CFAP73: variants seen among roughly 807,000 people sequenced by gnomAD.
CFAP73 encodes cilia- and flagella-associated protein 73.
Under a neutral mutation model 42.9 loss-of-function variants are expected in CFAP73, and 33 were observed. The observed-to-expected ratio is 0.77, with a 90% CI of 0.58 to 1.03. The LOEUF (loss-of-function observed/expected upper bound fraction) is 1.03, where lower values mean the gene tolerates loss of function less well. Ranked by LOEUF, CFAP73 falls within the 50% of genes least tolerant of loss-of-function variation. The pLI is 0.00. For missense variants in CFAP73, 392 were observed against 411.9 expected (o/e 0.95, Z 0.42); for synonymous variants, 162 against 186.8 (o/e 0.87, Z 1.08).
chr12:113,158,603 G>C lies in CFAP73; in HGVS notation c.*12-98G>C. ...TCTGAACCCAGAACACATGGAAGCA[G>C]CAGCAGCTGAGTTGCCAACTCAAGT... On this transcript the variant is annotated intron_variant, in intron 7 of 7. Coordinates refer to ENST00000335621, the MANE Select transcript of CFAP73 (RefSeq NM_001144872.3). The surrounding 1 kb of genome is among the most constrained non-coding windows in gnomAD (Gnocchi z 4.9). The C allele has an allele frequency of 2.3e-6, 1 of 440,202 alleles. No individual in the cohort carries two copies. The highest frequency in any genetic ancestry group is 4.4e-5 in the Admixed American group (1 of 22,972). 27.3% of individuals were successfully genotyped at this position (440,202 alleles called of 1,614,324 possible).
At chr12:113,157,438 T>C (rs1054837573) in intron 6 of CFAP73, 164 bp from the exon 7 acceptor site, 166 of 633,412 alleles carry the variant, frequency 2.6e-4, no homozygotes, top group Non-Finnish European at 3.8e-4. Flanking sequence ...CCAGAACGGT[T>C]TAGGATCTCA....
chr12:113,151,547 C>A (rs1231701492), intron 1 of CFAP73, among the ~76,000 whole-genome samples: 3 of 151,896 alleles, frequency 2.0e-5, no homozygotes, highest in Non-Finnish European at 4.4e-5. Context: ...AATCCCAACA[C>A]TTTGGGAGGC....
At chr12:113,150,495 T>C (rs1039130730) in intron 1 of CFAP73, among the ~76,000 whole-genome samples, 2 of 152,166 alleles carry the variant, frequency 1.3e-5, no homozygotes, top group Admixed American at 6.5e-5. Context: ...CTCCCCCACC[T>C]GACCTGCTCT....
chr12:113,157,881 G>A, intron 7 of CFAP73, 191 bp downstream of exon 7: 1 of 596,700 alleles, frequency 1.7e-6, no homozygotes, highest in South Asian at 2.0e-5. Flanking sequence ...TGCAGGCCCT[G>A]ATGAGGAGGT....
Position 113,158,932 on chromosome 12 carries a change from C to T in CFAP73, c.*243C>T. 4 of 1,609,866 alleles carry T rather than the reference C, an allele frequency of 2.5e-6. No individual in the cohort carries two copies. The highest frequency in any genetic ancestry group is 3.4e-6 in the Non-Finnish European group (4 of 1,177,134). The stretch of plus-strand genomic sequence containing the variant: ...GGAGCGGGCACCCCGGCCGAAGGCG[C>T]CCTGCTGCAGCTCCTGGACGCGGCG... On this transcript the variant is annotated 3_prime_UTR_variant, in exon 8 of 8. Transcript: ENST00000335621. The surrounding 1 kb of genome is among the most constrained non-coding windows in gnomAD (Gnocchi z 4.9).
At position 113,158,149 on chromosome 12, in the gene CFAP73, A is replaced by T. The variant is rs1191271568; in HGVS notation, c.*11+459A>T. ...CAAACAGGGGGTGGGTGGCAAGAAG[A>T]CAGAGGACAGGCCAGGTTCTGACCT... On this transcript the variant is annotated intron_variant, in intron 7 of 7. Coordinates refer to ENST00000335621, the MANE Select transcript of CFAP73 (RefSeq NM_001144872.3). The surrounding 1 kb of genome is among the most constrained non-coding windows in gnomAD (Gnocchi z 4.9). 5.9e-6 allele frequency: 1 copy of T among 168,264 alleles called. No individual in the cohort carries two copies. The highest frequency in any genetic ancestry group is 1.3e-5 in the Non-Finnish European group (1 of 77,060). 10.4% of individuals were successfully genotyped at this position (168,264 alleles called of 1,614,324 possible). A position where few individuals can be genotyped will look rare whatever the true frequency, so the allele number is the denominator to read the frequency against.
rs1952047499 is a variant in CFAP73 at position 113,149,925 on chromosome 12, G to A, written c.56+12G>A. 6.5e-7 allele frequency: 1 copy of A among 1,550,106 alleles called. No individual in the cohort carries two copies. The highest frequency in any genetic ancestry group is 8.7e-7 in the Non-Finnish European group (1 of 1,145,782). On this transcript the variant is annotated intron_variant, in intron 1 of 7. Coordinates refer to ENST00000335621, the MANE Select transcript of CFAP73 (RefSeq NM_001144872.3). Reference sequence around the variant, plus strand: ...GAGAAACTGTCTACGTGAGTGGGACGTAGAGGGAGGGAGGGCTAGAAGGAG... The same window carrying A: ...GAGAAACTGTCTACGTGAGTGGGACATAGAGGGAGGGAGGGCTAGAAGGAG...
Position 113,154,716 on chromosome 12 carries a change from G to A in CFAP73, c.690+81G>A. 1 of 1,370,220 alleles carries A rather than the reference G, an allele frequency of 7.3e-7. No homozygotes were observed. Among genetic ancestry groups the A allele is most frequent in the South Asian group, 1.7e-5 (1 of 57,188 alleles). 84.9% of individuals were successfully genotyped at this position (1,370,220 alleles called of 1,614,324 possible). A position where few individuals can be genotyped will look rare whatever the true frequency, so the allele number is the denominator to read the frequency against. Reference sequence around the variant, plus strand: ...GGGGAGGAACGCCAGGGCTGATGAGGACCGATGGGGCAATGCTTACCCCAG... The same window carrying A: ...GGGGAGGAACGCCAGGGCTGATGAGAACCGATGGGGCAATGCTTACCCCAG... On this transcript the variant is annotated intron_variant, in intron 5 of 7. Coordinates refer to ENST00000335621, the MANE Select transcript of CFAP73 (RefSeq NM_001144872.3). The surrounding 1 kb of genome is among the most constrained non-coding windows in gnomAD (Gnocchi z 4.7).
chr12:113,152,699 G>T, intron 2 of CFAP73, 84 bp from the exon 3 acceptor site: 1 of 934,780 alleles, frequency 1.1e-6, no homozygotes. Flanking sequence ...GGGACAACAG[G>T]TGGAAGGGGT....
rs1462208057 is a variant in CFAP73, at chr12:113,157,497, A to G, written c.850-105A>G. ...TCATCACTGTTCTTTTAATGAGGGGATCTCCAGTCCCCGCCCTACCTTTCG... is the reference window on the plus strand; with the variant it reads ...TCATCACTGTTCTTTTAATGAGGGGGTCTCCAGTCCCCGCCCTACCTTTCG... On this transcript the variant is annotated intron_variant, in intron 6 of 7. Coordinates refer to ENST00000335621, the MANE Select transcript of CFAP73 (RefSeq NM_001144872.3). The G allele has an allele frequency of 6.0e-6, 5 of 826,882 alleles. No individual in the cohort carries two copies. The African/African-American group carries it at 8.4e-5, about 14-fold the overall frequency. 51.2% of individuals were successfully genotyped at this position (826,882 alleles called of 1,614,324 possible).
chr12:113,151,730 G>C (rs563839065), intron 1 of CFAP73, among the ~76,000 whole-genome samples, 188 bp from the exon 2 acceptor site: 1 of 150,922 alleles, frequency 6.6e-6, no homozygotes, highest in South Asian at 2.1e-4. Flanking sequence ...CCAGGAGTGA[G>C]CTATGATGAT....
chr12:113,155,891 G>A (rs953010655), intron 6 of CFAP73, among the ~76,000 whole-genome samples: 1 of 152,004 alleles, frequency 6.6e-6, no homozygotes, highest in African/African-American at 2.4e-5. Context: ...GTGAGGGTGG[G>A]GTTAGGCTGA....
intron 6 of CFAP73, among the ~76,000 whole-genome samples, chr12:113,156,522 G>C (rs1265672375): frequency 1.3e-5 from 2 of 152,002 alleles, no homozygotes; most frequent in Admixed American, 1.3e-4. Flanking sequence ...TTTGTCTGCG[G>C]CTCGTCCTGC....
chr12:113,158,554 G>T lies in CFAP73; in HGVS notation c.*12-147G>T, dbSNP rs987309600. ...ATTGCCAAACCCTGAGGCACTCAGG[G>T]CTCTGACCGGTGCAGCCATGACCTC... On this transcript the variant is annotated intron_variant, in intron 7 of 7. Transcript: ENST00000335621. This position sits in a 1 kb window ranked among gnomAD's most constrained non-coding sequence, Gnocchi z 4.9. The T allele has an allele frequency of 1.0e-5, 3 of 293,964 alleles. No homozygotes were observed. The highest frequency in any genetic ancestry group is 2.3e-4 in the South Asian group (2 of 8,796). 18.2% of individuals were successfully genotyped at this position (293,964 alleles called of 1,614,324 possible). A position where few individuals can be genotyped will look rare whatever the true frequency, so the allele number is the denominator to read the frequency against.
chr12:113,152,209 T>C (rs1189426003), intron 2 of CFAP73, among the ~76,000 whole-genome samples, 186 bp downstream of exon 2: 1 of 152,272 alleles, frequency 6.6e-6, no homozygotes, highest in Non-Finnish European at 1.5e-5. Flanking sequence ...GAGCATGTGC[T>C]GGGCACTGCA....
At position 113,155,424 on chromosome 12, in the gene CFAP73, G is replaced by C; in HGVS notation, c.849+6G>C. 1 of 1,539,190 alleles carries C rather than the reference G, an allele frequency of 6.5e-7. No individual in the cohort carries two copies. The highest frequency in any genetic ancestry group is 8.8e-7 in the Non-Finnish European group (1 of 1,138,684). ...CGGAGGGACAGCTAGAGCACGTGAG[G>C]ACCCCTCTTTATGGCACCTCCAGCC... On this transcript the variant is annotated splice_donor_region_variant and intron_variant, in intron 6 of 7. Transcript: ENST00000335621.
In CFAP73 at chr12:113,153,375, C is replaced by A. The variant is rs1463215437; in HGVS notation, c.435C>A (p.Arg145=). 6.8e-7 allele frequency: 1 copy of A among 1,471,368 alleles called. No homozygotes were observed. The highest frequency in any genetic ancestry group is 2.7e-5 in the East Asian group (1 of 36,516). 91.1% of individuals were successfully genotyped at this position (1,471,368 alleles called of 1,614,324 possible). The change falls in exon 4 of 8, where the codon CGC becomes CGA. Residue 145 remains arginine, a synonymous_variant. Transcript: ENST00000335621. ...TTAAGCGCCTGGAGCCCTGCGCGCGCCTGCTGGAGCAAGCGCTGGAGCTGC... is the reference window on the plus strand; with the variant it reads ...TTAAGCGCCTGGAGCCCTGCGCGCGACTGCTGGAGCAAGCGCTGGAGCTGC... ...RRLKRLEPCA[R]LLEQALELLP...
intron 3 of CFAP73, 55 bp from the exon 4 acceptor site, chr12:113,153,153 C>T: frequency 1.4e-6 from 2 of 1,423,132 alleles, no homozygotes; most frequent in East Asian, 2.6e-5. Context: ...AGGTGCCGAA[C>T]TCCCCGCCAG....
Position 113,154,378 on chromosome 12 carries a change from G to A in CFAP73, c.469-36G>A, listed in dbSNP as rs1952095824. ...GGGATGGAGAGGGTAAGGCACTGCA[G>A]GCCCATGTGAGTCCCTTCCCCGCCC... On this transcript the variant is annotated intron_variant, in intron 4 of 7. Transcript: ENST00000335621. This position sits in a 1 kb window ranked among gnomAD's most constrained non-coding sequence, Gnocchi z 4.7. The A allele has an allele frequency of 6.5e-7, 1 of 1,546,842 alleles. No homozygotes were observed.
Sources: gnomAD v4.1 joint callset for allele counts (sites outside exome capture counted in the v4.1 genomes callset) on GRCh38, gnomAD v4.1.1 for gene constraint, Gnocchi (gnomAD v3.1) non-coding constraint, MANE v1.5 for transcripts, NCBI Gene and HGNC (gene_info 2026-07-23, HGNC 2026-07-21) for gene names.